Variants in NSMCE1 observed in about 807,000 individuals in gnomAD.
NSMCE1 encodes the protein NSE1 component of SMC5/6 complex, also known as non-structural maintenance of chromosomes element 1 homolog.
In NSMCE1, 18 loss-of-function variants were observed where a neutral mutation model predicts 29.6. That is an observed-to-expected ratio of 0.61 (90% confidence interval 0.42 to 0.90). The LOEUF (loss-of-function observed/expected upper bound fraction) is 0.90. Among genes scored for constraint, NSMCE1 ranks in the 40% least tolerant of loss-of-function variants. The pLI is 0.00. For synonymous variants in NSMCE1, 124 were observed against 133.4 expected (o/e 0.93, Z 0.49); for missense variants, 314 against 343.6 (o/e 0.91, Z 0.68).
At chr16:27,248,669 A>C (rs2083986235) in intron 2 of NSMCE1, among the ~76,000 whole-genome samples, 1 of 152,078 alleles carries the variant, frequency 6.6e-6, no homozygotes, top group African/African-American at 2.4e-5. Context: ...TCGGCCTCCC[A>C]AACTGCTGGG....
chr16:27,231,124 A>T (rs969649661), intron 5 of NSMCE1, among the ~76,000 whole-genome samples: 1 of 152,240 alleles, frequency 6.6e-6, no homozygotes, highest in Non-Finnish European at 1.5e-5. Context: ...AGGTGACTTC[A>T]GTGGGTTTCT....
In NSMCE1 at chr16:27,260,049, C is replaced by T. The variant is rs116206016; in HGVS notation, c.-11-2468G>A. 3.8e-3 allele frequency among the ~76,000 whole-genome samples: 585 copies of T among 152,184 alleles called. 3 individuals carry two copies. Among genetic ancestry groups the T allele is most frequent in the African/African-American group, 0.013 (536 of 41,530 alleles). ...TAGTTCAGGAAGAAAGAAAGGGATA[C>T]AAGTTGGAAGGTCTAAAATGCAGGG... On this transcript the variant is annotated intron_variant, in intron 1 of 7. Transcript: ENST00000361439.
intron 5 of NSMCE1, among the ~76,000 whole-genome samples, chr16:27,227,957 G>A (rs1001600000): frequency 6.6e-6 from 1 of 151,994 alleles, no homozygotes; most frequent in Non-Finnish European, 1.5e-5. Context: ...GGCTAATTTT[G>A]TATTTTTAGT....
intron 7 of NSMCE1, 127 bp from the exon 8 acceptor site, chr16:27,225,363 C>T (rs2083677438): frequency 9.0e-6 from 6 of 665,326 alleles, no homozygotes; most frequent in African/African-American, 3.6e-5. Flanking sequence ...TCCTTCACTG[C>T]TAACCCTCCC....
Position 27,229,110 on chromosome 16 carries a change from C to T in NSMCE1, c.484-2274G>A, listed in dbSNP as rs533550249. ...TACGCGTATCTCCCGGGCTGCCCTC[C>T]GTCTGCTCGCCTCGCAATCTTTGTG... On this transcript the variant is annotated intron_variant, in intron 5 of 7. Coordinates refer to ENST00000361439, the MANE Select transcript of NSMCE1 (RefSeq NM_145080.4). Among the ~76,000 whole-genome samples, 13 of 152,340 alleles carry T rather than the reference C, an allele frequency of 8.5e-5. No individual in the cohort carries two copies. The South Asian group carries it at 2.5e-3, about 29-fold the overall frequency.
At chr16:27,264,643 T>A (rs920416312) in intron 1 of NSMCE1, among the ~76,000 whole-genome samples, 2 of 152,182 alleles carry the variant, frequency 1.3e-5, no homozygotes, top group African/African-American at 4.8e-5. Context: ...TCTGAAGGGA[T>A]AAGGTCATAA....
At chr16:27,251,063 A>G (rs1454104890) in intron 2 of NSMCE1, among the ~76,000 whole-genome samples, 1 of 146,238 alleles carries the variant, frequency 6.8e-6, no homozygotes, top group Admixed American at 6.8e-5. Flanking sequence ...CTAGTCTCGA[A>G]CTCCCGACCT....
chr16:27,226,988 AT>A, intron 5 of NSMCE1, 152 bp from the exon 6 acceptor site: 1 of 627,096 alleles, frequency 1.6e-6, no homozygotes, highest in Non-Finnish European at 2.9e-6. Flanking sequence ...CATCAGCCAC[AT>A]CCCCCTGGCA....
At chr16:27,251,744 G>A (rs1211388467) in intron 2 of NSMCE1, among the ~76,000 whole-genome samples, 2 of 152,158 alleles carry the variant, frequency 1.3e-5, no homozygotes, top group Non-Finnish European at 2.9e-5. Context: ...TGAATAGCTG[G>A]CATTGTTTTC....
chr16:27,266,167 GT>G (rs1333894554), intron 1 of NSMCE1, among the ~76,000 whole-genome samples: 2 of 152,086 alleles, frequency 1.3e-5, no homozygotes, highest in Non-Finnish European at 2.9e-5. Flanking sequence ...GAGGCCAGGA[GT>G]TTAAGACCAG....
chr16:27,250,726 G>A (rs2141003849), intron 2 of NSMCE1, among the ~76,000 whole-genome samples: 1 of 151,838 alleles, frequency 6.6e-6, no homozygotes, highest in South Asian at 2.1e-4. Flanking sequence ...CCAGGAGGCG[G>A]AGGTTGTAGC....
chr16:27,257,208 C>G (rs1191717292), intron 2 of NSMCE1: 2 of 412,514 alleles, frequency 4.8e-6, no homozygotes, highest in East Asian at 7.7e-5. Context: ...AACTATACAG[C>G]TTTAGACTCT....
intron 2 of NSMCE1, 127 bp downstream of exon 2, chr16:27,257,308 T>C (rs898188848): frequency 1.4e-5 from 10 of 700,764 alleles, no homozygotes; most frequent in African/African-American, 3.7e-5. Context: ...CCGTGTAAGA[T>C]TGTGAAGAGG....
rs2083779548 is a variant in NSMCE1 at position 27,233,078 on chromosome 16, G to T, written c.406C>A (p.Leu136Ile). 6.2e-7 allele frequency: 1 copy of T among 1,613,992 alleles called. No individual in the cohort carries two copies. The highest frequency in any genetic ancestry group is 1.3e-5 in the African/African-American group (1 of 74,922). The stretch of plus-strand genomic sequence containing the variant: ...TTCTTCCTCATCTTCTTGCCTTTAA[G>T]TTGATCAACCAGGTTCAATATGTTT... ...STNILNLVDQ[L>I]KGKKMRKKEA... The change falls in exon 5 of 8, where the codon CTT becomes ATT. Residue 136 changes from leucine to isoleucine, a missense_variant. Coordinates refer to ENST00000361439, the MANE Select transcript of NSMCE1 (RefSeq NM_145080.4).
intron 2 of NSMCE1, among the ~76,000 whole-genome samples, chr16:27,249,358 G>A (rs537881482): frequency 3.3e-4 from 50 of 152,178 alleles, no homozygotes; most frequent in Middle Eastern, 3.4e-3. Flanking sequence ...ACTAATCATA[G>A]GTCACAGAGG....
chr16:27,262,341 C>T (rs1475663746), intron 1 of NSMCE1, among the ~76,000 whole-genome samples: 1 of 152,000 alleles, frequency 6.6e-6, no homozygotes, highest in African/African-American at 2.4e-5. Flanking sequence ...TCACGTTACC[C>T]GACTTCAAAC....
intron 2 of NSMCE1, among the ~76,000 whole-genome samples, chr16:27,253,111 T>G (rs754450377): frequency 2.0e-5 from 3 of 152,082 alleles, no homozygotes; most frequent in Non-Finnish European, 2.9e-5. Flanking sequence ...GTAGCCTTTA[T>G]AAAAAAACCA....
chr16:27,231,559 T>C (rs11643134), intron 5 of NSMCE1, among the ~76,000 whole-genome samples: 90,275 of 151,432 alleles, frequency 0.6, 27,397 homozygotes, highest in East Asian at 0.88. Context: ...ATCGCTTGAA[T>C]CCGGGAGGTT....
chr16:27,235,323 A>G, intron 2 of NSMCE1, 24 bp from the exon 3 acceptor site: 1 of 1,609,682 alleles, frequency 6.2e-7, no homozygotes, highest in Middle Eastern at 1.7e-4. Flanking sequence ...GACCAAAAAA[A>G]GGGGGGTGAC....
Sources: allele counts gnomAD v4.1 joint callset (sites outside exome capture counted in the v4.1 genomes callset), GRCh38; gene constraint gnomAD v4.1.1; transcripts MANE v1.5; gene names NCBI Gene and HGNC (gene_info 2026-07-23, HGNC 2026-07-21).